Variants in KIF16B observed in about 807,000 individuals in gnomAD.
KIF16B encodes the protein kinesin family member 16B.
In KIF16B, 98 loss-of-function variants were observed where a neutral mutation model predicts 156.3. The ratio of observed to expected loss-of-function variants is 0.63; its 90% CI spans 0.53 to 0.74. The LOEUF (loss-of-function observed/expected upper bound fraction) is 0.74. KIF16B is among the 30% of genes least tolerant of loss of function. The pLI, the probability that KIF16B is intolerant of heterozygous loss-of-function variation, is 0.00. For missense variants in KIF16B, 1,421 were observed against 1,606.5 expected, an observed-to-expected ratio of 0.88 and a Z score of 1.97; for synonymous variants, 564 against 583.7, an observed-to-expected ratio of 0.97 and a Z score of 0.49.
intron 20 of KIF16B, 93 bp downstream of exon 20, chr20:16,374,164 G>GAGCC: frequency 1.6e-6 from 2 of 1,277,602 alleles, no homozygotes; most frequent in East Asian, 5.1e-5. Context: ...GCCCTTAATA[G>GAGCC]AGCCCTCCAG....
At chr20:16,451,211 T>C (rs2067071467) in intron 12 of KIF16B, among the ~76,000 whole-genome samples, 1 of 152,160 alleles carries the variant, frequency 6.6e-6, no homozygotes, top group African/African-American at 2.4e-5. Context: ...AGGGAAAACA[T>C]TTCTATAATT....
intron 12 of KIF16B, among the ~76,000 whole-genome samples, chr20:16,477,026 C>A (rs1212556549): frequency 2.0e-5 from 3 of 152,046 alleles, no homozygotes; most frequent in Non-Finnish European, 4.4e-5. Flanking sequence ...GGATTACAGG[C>A]GTGAGCCACT....
intron 25 of KIF16B, among the ~76,000 whole-genome samples, chr20:16,276,590 C>A (rs772225804): frequency 2.6e-5 from 4 of 152,168 alleles, no homozygotes; most frequent in Non-Finnish European, 5.9e-5. Flanking sequence ...TTTGCAGCGA[C>A]CTCAAAGTGC....
intron 25 of KIF16B, among the ~76,000 whole-genome samples, chr20:16,285,744 T>A (rs1184156772): frequency 6.6e-6 from 1 of 152,158 alleles, no homozygotes; most frequent in African/African-American, 2.4e-5. Flanking sequence ...CTGAGTCCAG[T>A]AGGTTGAGGC....
At chr20:16,541,576 T>G (rs1482822836) in intron 1 of KIF16B, among the ~76,000 whole-genome samples, 1 of 152,236 alleles carries the variant, frequency 6.6e-6, no homozygotes, top group Non-Finnish European at 1.5e-5. Context: ...TTTCATTGTC[T>G]TCCCTGGCCT....
intron 15 of KIF16B, among the ~76,000 whole-genome samples, chr20:16,413,650 T>C (rs1029721253): frequency 3.3e-5 from 5 of 152,096 alleles, no homozygotes; most frequent in Non-Finnish European, 5.9e-5. Flanking sequence ...TGAGAGGCCC[T>C]TTGTAATTCT....
chr20:16,515,210 G>C (rs1460909072), intron 4 of KIF16B, among the ~76,000 whole-genome samples: 1 of 152,040 alleles, frequency 6.6e-6, no homozygotes, highest in East Asian at 1.9e-4. Context: ...AAAAAGAACA[G>C]ACTTCAGTAA....
intron 1 of KIF16B, among the ~76,000 whole-genome samples, chr20:16,539,384 G>A (rs931633406): frequency 1.3e-5 from 2 of 152,222 alleles, no homozygotes; most frequent in African/African-American, 2.4e-5. Context: ...CTGAAGCAAA[G>A]GTCATCCTTG....
At chr20:16,339,109 G>A (rs1393557092) in intron 23 of KIF16B, among the ~76,000 whole-genome samples, 1 of 152,320 alleles carries the variant, frequency 6.6e-6, no homozygotes, top group Non-Finnish European at 1.5e-5. Flanking sequence ...AGGAGGCTGT[G>A]TTGGTGCAGG....
chr20:16,374,640 A>G (rs888621983), intron 19 of KIF16B, among the ~76,000 whole-genome samples: 1 of 152,200 alleles, frequency 6.6e-6, no homozygotes, highest in African/African-American at 2.4e-5. Flanking sequence ...AGGTAGAGTA[A>G]TTTTGACTAC....
chr20:16,471,002 A>G (rs189001315), intron 12 of KIF16B, among the ~76,000 whole-genome samples: 39 of 152,242 alleles, frequency 2.6e-4, no homozygotes, highest in African/African-American at 9.4e-4. Flanking sequence ...GAGACAGGAA[A>G]AGAAGAATCA....
At chr20:16,521,816 G>T (rs956313351) in intron 3 of KIF16B, among the ~76,000 whole-genome samples, 8 of 152,180 alleles carry the variant, frequency 5.3e-5, no homozygotes, top group African/African-American at 1.7e-4. Flanking sequence ...GACTAACAGT[G>T]AATCTCTCAG....
At chr20:16,555,415 G>T (rs2070811774) in intron 1 of KIF16B, among the ~76,000 whole-genome samples, 1 of 152,100 alleles carries the variant, frequency 6.6e-6, no homozygotes, top group Non-Finnish European at 1.5e-5. Context: ...GCATGCCTCT[G>T]CCACACTCTG....
intron 12 of KIF16B, among the ~76,000 whole-genome samples, chr20:16,432,534 G>T (rs1406553198): frequency 6.6e-6 from 1 of 152,098 alleles, no homozygotes; most frequent in South Asian, 2.1e-4. Context: ...TCTACCATTC[G>T]CTAGGTGATG....
chr20:16,453,230 A>G (rs1413349769), intron 12 of KIF16B, among the ~76,000 whole-genome samples: 1 of 152,150 alleles, frequency 6.6e-6, no homozygotes, highest in East Asian at 1.9e-4. Context: ...TGATCATACC[A>G]CTGCGCTCCA....
intron 25 of KIF16B, among the ~76,000 whole-genome samples, chr20:16,276,475 C>A (rs1207522477): frequency 6.6e-6 from 1 of 152,196 alleles, no homozygotes; most frequent in Non-Finnish European, 1.5e-5. Flanking sequence ...GAAGAGTTTT[C>A]TCTTCGCAAA....
intron 17 of KIF16B, among the ~76,000 whole-genome samples, chr20:16,384,367 A>C (rs939711674): frequency 4.5e-4 from 69 of 152,254 alleles, no homozygotes; most frequent in African/African-American, 1.5e-3. Flanking sequence ...GATCAAGGCA[A>C]GCTTCCTGAA....
chr20:16,311,004 C>T (rs1022371777), intron 25 of KIF16B, among the ~76,000 whole-genome samples: 3 of 152,238 alleles, frequency 2.0e-5, no homozygotes, highest in Admixed American at 6.5e-5. Context: ...AACCTCCAGC[C>T]TCTAGATATT....
At chr20:16,446,695 A>C (rs1202947384) in intron 12 of KIF16B, among the ~76,000 whole-genome samples, 1 of 152,206 alleles carries the variant, frequency 6.6e-6, no homozygotes, top group Non-Finnish European at 1.5e-5. Context: ...AAGTCCCTGG[A>C]TTCTAATGTT....
Sources: allele counts gnomAD v4.1 joint callset (sites outside exome capture counted in the v4.1 genomes callset), GRCh38; gene constraint gnomAD v4.1.1; transcripts MANE v1.5; gene names NCBI Gene and HGNC (gene_info 2026-07-23, HGNC 2026-07-21).